SCFD2: variants seen among roughly 807,000 people sequenced by gnomAD.
SCFD2 encodes the protein sec1 family domain containing 2, also known as sec1 family domain-containing protein 2.
In SCFD2, 54 loss-of-function variants were observed where a neutral mutation model predicts 58.9. The observed-to-expected ratio is 0.92, with a 90% CI of 0.74 to 1.15. The LOEUF (loss-of-function observed/expected upper bound fraction) is 1.15. Among genes scored for constraint, SCFD2 ranks in the 50% most tolerant of loss-of-function variants. The pLI, the probability that SCFD2 is intolerant of heterozygous loss-of-function variation, is 0.00. For synonymous variants in SCFD2, 321 were observed against 335.9 expected, an observed-to-expected ratio of 0.96 and a Z score of 0.49; for missense variants, 805 against 836.6, an observed-to-expected ratio of 0.96 and a Z score of 0.47.
chr4:53,276,717 T>C (rs1485292376), intron 3 of SCFD2, among the ~76,000 whole-genome samples: 1 of 152,166 alleles, frequency 6.6e-6, no homozygotes, highest in Non-Finnish European at 1.5e-5. Flanking sequence ...CATGCAGTAT[T>C]TAGTTTAAGC....
intron 4 of SCFD2, among the ~76,000 whole-genome samples, chr4:53,210,657 A>C (rs1162319172): frequency 6.6e-6 from 1 of 151,922 alleles, no homozygotes; most frequent in Admixed American, 6.6e-5. Context: ...ATTTTTATTA[A>C]TAACGTGCAT....
chr4:53,255,603 T>C (rs952083083), intron 4 of SCFD2, among the ~76,000 whole-genome samples: 8 of 152,182 alleles, frequency 5.3e-5, no homozygotes, highest in African/African-American at 1.7e-4. Context: ...AAGTCTCCCA[T>C]GTCTACTTCT....
intron 4 of SCFD2, among the ~76,000 whole-genome samples, chr4:53,219,502 G>A (rs1466852268): frequency 6.6e-6 from 1 of 152,170 alleles, no homozygotes; most frequent in East Asian, 1.9e-4. Context: ...GTATTACGGT[G>A]GGAGTGAACC....
chr4:53,199,657 C>T (rs534708087), intron 4 of SCFD2, among the ~76,000 whole-genome samples: 1 of 152,044 alleles, frequency 6.6e-6, no homozygotes, highest in South Asian at 2.1e-4. Context: ...ACAAAAACTC[C>T]TTAGCAGCAA....
chr4:53,264,856 T>A (rs28676739), intron 4 of SCFD2, among the ~76,000 whole-genome samples: 14,572 of 152,188 alleles, frequency 0.096, 1,046 homozygotes, highest in African/African-American at 0.19. Flanking sequence ...GCCAATAAAA[T>A]AGATGCCTAT....
intron 8 of SCFD2, among the ~76,000 whole-genome samples, chr4:52,882,843 A>G (rs1303262072): frequency 6.6e-6 from 1 of 152,186 alleles, no homozygotes; most frequent in Non-Finnish European, 1.5e-5. Flanking sequence ...GTCCCTCTAG[A>G]GAACCCTGAC....
intron 5 of SCFD2, among the ~76,000 whole-genome samples, chr4:53,022,018 A>G (rs1722361076): frequency 6.6e-6 from 1 of 152,190 alleles, no homozygotes; most frequent in Non-Finnish European, 1.5e-5. Flanking sequence ...TCCATGTATC[A>G]TAGAGCATGA....
intron 5 of SCFD2, among the ~76,000 whole-genome samples, chr4:53,037,797 T>TCTC (rs2148822546): frequency 6.6e-6 from 1 of 152,260 alleles, no homozygotes; most frequent in African/African-American, 2.4e-5. Flanking sequence ...AAATGTCTAA[T>TCTC]CTCTTTAAAA....
Position 53,145,556 on chromosome 4 carries a change from A to G in SCFD2, c.1338T>C (p.Val446=), listed in dbSNP as rs148820993. 3.8e-4 allele frequency: 611 copies of G among 1,614,016 alleles called. 1 individual carries two copies. Among genetic ancestry groups the G allele is most frequent in the Non-Finnish European group, 5.0e-4 (586 of 1,180,016 alleles). The part of the protein sequence containing the change: ...LQSIGESAMS[V]VLNQLLPMIK... The stretch of plus-strand genomic sequence containing the variant: ...TCATGGGCAGCAGCTGATTTAACAC[A>G]ACGGACATTGCTGACTCCCCAATGC... Residue 446 remains valine (V), a synonymous_variant, in exon 5 of 9, where the codon GTT becomes GTC. Coordinates refer to ENST00000401642, the MANE Select transcript of SCFD2 (RefSeq NM_152540.4).
At chr4:52,933,411 C>G (rs1378116846) in intron 5 of SCFD2, among the ~76,000 whole-genome samples, 2 of 152,200 alleles carry the variant, frequency 1.3e-5, no homozygotes, top group African/African-American at 4.8e-5. Context: ...AAACTCTTAA[C>G]AAAACTGAGT....
At chr4:53,340,560 C>T (rs915977488) in intron 2 of SCFD2, among the ~76,000 whole-genome samples, 2 of 152,168 alleles carry the variant, frequency 1.3e-5, no homozygotes, top group African/African-American at 4.8e-5. Context: ...CAAAAGGCAG[C>T]GAAAACTTCT....
chr4:53,303,964 AG>A (rs1222537361), intron 3 of SCFD2, among the ~76,000 whole-genome samples: 3 of 92,840 alleles, frequency 3.2e-5, no homozygotes, highest in Non-Finnish European at 5.9e-5. Context: ...GGGTGGGGGG[AG>A]GGGGGAGGGA....
At chr4:53,002,241 C>T (rs1388336324) in intron 5 of SCFD2, among the ~76,000 whole-genome samples, 1 of 152,156 alleles carries the variant, frequency 6.6e-6, no homozygotes, top group Admixed American at 6.5e-5. Context: ...TGACTATCTC[C>T]CTTTCTCTTT....
intron 4 of SCFD2, among the ~76,000 whole-genome samples, chr4:53,254,718 T>A (rs530162204): frequency 1.3e-5 from 2 of 151,996 alleles, no homozygotes; most frequent in South Asian, 4.2e-4. Flanking sequence ...CACTATCTAC[T>A]ACTGTAGCCA....
chr4:53,022,377 G>A (rs1321580918), intron 5 of SCFD2, among the ~76,000 whole-genome samples: 1 of 152,154 alleles, frequency 6.6e-6, no homozygotes, highest in Non-Finnish European at 1.5e-5. Flanking sequence ...GGTCATTGAA[G>A]GCTCACATTA....
chr4:53,009,678 C>CCTCCATTTCTACAGA (rs1485128999), intron 5 of SCFD2, among the ~76,000 whole-genome samples: 1 of 152,190 alleles, frequency 6.6e-6, no homozygotes, highest in Non-Finnish European at 1.5e-5. Context: ...ATAGTCTCAA[C>CCTCCATTTCTACAGA]CTCCATTTCT....
At chr4:53,056,563 A>G (rs1197862301) in intron 5 of SCFD2, among the ~76,000 whole-genome samples, 1 of 152,216 alleles carries the variant, frequency 6.6e-6, no homozygotes, top group African/African-American at 2.4e-5. Flanking sequence ...CAATCAGATT[A>G]CAAAATCATA....
At chr4:53,362,705 A>T (rs1734580403) in intron 1 of SCFD2, among the ~76,000 whole-genome samples, 1 of 152,164 alleles carries the variant, frequency 6.6e-6, no homozygotes, top group Non-Finnish European at 1.5e-5. Flanking sequence ...ATGGAATTGA[A>T]GTTGGAAGAG....
At chr4:52,985,320 G>T (rs747782609) in intron 5 of SCFD2, among the ~76,000 whole-genome samples, 6 of 152,130 alleles carry the variant, frequency 3.9e-5, no homozygotes, top group Admixed American at 6.5e-5. Context: ...CCTTTCTGCT[G>T]CAGTGAAGTC....
Sources: gnomAD v4.1 joint callset for allele counts (sites outside exome capture counted in the v4.1 genomes callset) on GRCh38, gnomAD v4.1.1 for gene constraint, MANE v1.5 for transcripts, NCBI Gene and HGNC (gene_info 2026-07-23, HGNC 2026-07-21) for gene names.